MARK4: variants seen among roughly 807,000 people sequenced by gnomAD.
MARK4 encodes the protein MAP/microtubule affinity-regulating kinase 4.
Under a neutral mutation model 81.5 loss-of-function variants are expected in MARK4, and 19 were observed. The observed-to-expected ratio is 0.23, with a 90% CI of 0.16 to 0.34. The LOEUF (loss-of-function observed/expected upper bound fraction) is 0.34, where lower values mean the gene tolerates loss of function less well. Ranked by LOEUF, MARK4 falls within the 10% of genes least tolerant of loss-of-function variation. The pLI, the probability that MARK4 is intolerant of heterozygous loss-of-function variation, is 1.00. For missense variants in MARK4, 772 were observed against 1,058.8 expected, an observed-to-expected ratio of 0.73 and a Z score of 3.76; for synonymous variants, 436 against 439.0, an observed-to-expected ratio of 0.99 and a Z score of 0.08.
chr19:45,302,711 G>A lies in MARK4; in HGVS notation c.*1G>A. The A allele has an allele frequency of 6.5e-7, 1 of 1,536,156 alleles. No homozygotes were observed. The highest frequency in any genetic ancestry group is 1.2e-5 in the South Asian group (1 of 84,158). ...CATCTCCAACGACCTCGAGCTCTGA[G>A]CCACCACGGTCCCAGGGCCCTTACT... is the stretch of plus-strand genomic sequence containing the variant. On this transcript the variant is annotated 3_prime_UTR_variant, in exon 17 of 17. Coordinates refer to ENST00000262891, the MANE Select transcript of MARK4 (RefSeq NM_001199867.2). This position sits in a 1 kb window ranked among gnomAD's most constrained non-coding sequence, Gnocchi z 4.9.
intron 1 of MARK4, among the ~76,000 whole-genome samples, chr19:45,257,964 C>T (rs1970330868): frequency 1.3e-5 from 2 of 150,356 alleles, no homozygotes; most frequent in South Asian, 4.2e-4. Flanking sequence ...GCTGGAATTA[C>T]AGGTGTGAGC....
At chr19:45,255,930 A>G (rs943649456) in intron 1 of MARK4, among the ~76,000 whole-genome samples, 3 of 152,270 alleles carry the variant, frequency 2.0e-5, no homozygotes, top group Admixed American at 6.5e-5. Context: ...AGGCCAGGGC[A>G]GCTCAGAGCA....
At chr19:45,295,197 A>C (rs1970871083) in intron 14 of MARK4, among the ~76,000 whole-genome samples, 1 of 151,438 alleles carries the variant, frequency 6.6e-6, no homozygotes, top group African/African-American at 2.4e-5. Flanking sequence ...AAAATACCAA[A>C]AAAAAAAAAA....
intron 14 of MARK4, among the ~76,000 whole-genome samples, chr19:45,294,893 T>C (rs978245329): frequency 2.6e-5 from 4 of 151,924 alleles, no homozygotes; most frequent in African/African-American, 9.7e-5. Context: ...ACATCACAGG[T>C]CAAGGCCAGC....
chr19:45,251,748 G>T, intron 1 of MARK4, 109 bp downstream of exon 1: 7 of 1,050,124 alleles, frequency 6.7e-6, no homozygotes, highest in Non-Finnish European at 8.1e-6. Flanking sequence ...TCCTGGGCCC[G>T]ACCCGGCTCG....
intron 13 of MARK4, among the ~76,000 whole-genome samples, chr19:45,291,245 C>T (rs78491196): frequency 0.013 from 1,907 of 152,234 alleles, 30 homozygotes; most frequent in African/African-American, 0.044. Context: ...ACTGGAGGAG[C>T]GGACAATGGG....
chr19:45,287,582 C>A lies in MARK4; in HGVS notation c.1412C>A (p.Pro471His). The change falls in exon 13 of 17, where the codon CCC becomes CAC. Residue 471 changes from proline to histidine, a missense_variant. Coordinates refer to ENST00000262891, the MANE Select transcript of MARK4 (RefSeq NM_001199867.2). Reference protein sequence around the residue: ...TAGSGSRGLPPSSPMVSSAHN... With the variant: ...TAGSGSRGLPHSSPMVSSAHN... ...GGGAGTGGGAGTCGAGGGCTGCCCC[C>A]CTCCAGCCCCATGGTCAGCAGCGCC... 6.3e-7 allele frequency: 1 copy of A among 1,597,402 alleles called. No individual in the cohort carries two copies. The highest frequency in any genetic ancestry group is 8.5e-7 in the Non-Finnish European group (1 of 1,169,676).
At chr19:45,259,373 A>C (rs1970352193) in intron 2 of MARK4, among the ~76,000 whole-genome samples, 184 bp downstream of exon 2, 1 of 152,212 alleles carries the variant, frequency 6.6e-6, no homozygotes, top group Non-Finnish European at 1.5e-5. Flanking sequence ...GGAAAAGAGA[A>C]CTAATTTCAT....
intron 8 of MARK4, among the ~76,000 whole-genome samples, chr19:45,277,451 T>G (rs1192414744): frequency 2.0e-5 from 3 of 151,192 alleles, no homozygotes; most frequent in Admixed American, 6.6e-5. Flanking sequence ...TTTTTTTTTT[T>G]TGTAGAGACA....
chr19:45,297,756 C>A lies in MARK4; in HGVS notation c.1679C>A (p.Ala560Glu). 1 of 1,579,816 alleles carries A rather than the reference C, an allele frequency of 6.3e-7. No individual in the cohort carries two copies. The highest frequency in any genetic ancestry group is 8.6e-7 in the Non-Finnish European group (1 of 1,166,468). ...CCATCAGGGGAGCGGAGCCGCCTGGCACGTGGTTCCACCATCCGCAGCACC... is the reference window on the plus strand; with the variant it reads ...CCATCAGGGGAGCGGAGCCGCCTGGAACGTGGTTCCACCATCCGCAGCACC... Reference protein sequence around the residue: ...APPSGERSRLARGSTIRSTFH... With the variant: ...APPSGERSRLERGSTIRSTFH... The change falls in exon 15 of 17, where the codon GCA becomes GAA. Residue 560 changes from alanine (A) to glutamate (E), a missense_variant. Physicochemically the swap from Ala to Glu is moderately radical, Grantham distance 107 (BLOSUM62 -1). Transcript: ENST00000262891.
Position 45,271,618 on chromosome 19 carries a change from C to A in MARK4, c.696C>A (p.Tyr232Ter), listed in dbSNP as rs151153987. 6.2e-7 allele frequency: 1 copy of A among 1,614,240 alleles called. No individual in the cohort carries two copies. Among genetic ancestry groups the A allele is most frequent in the Non-Finnish European group, 8.5e-7 (1 of 1,180,046 alleles). ...AAPELFQGKK[Y>*]DGPEVDIWSL... ...CGGAGCTGTTTCAGGGCAAGAAGTA[C>A]GACGGGCCGGAGGTGGACATCTGGA... is the stretch of plus-strand genomic sequence containing the variant. The change falls in exon 8 of 17, where the codon TAC becomes TAA. Residue 232 changes from tyrosine (Y) to a stop codon, truncating the protein, a stop_gained. Coordinates refer to ENST00000262891, the MANE Select transcript of MARK4 (RefSeq NM_001199867.2). LOFTEE classifies it high-confidence loss of function. The surrounding 1 kb of genome is among the most constrained non-coding windows in gnomAD (Gnocchi z 4.1).
chr19:45,294,135 G>A (rs142186344), intron 13 of MARK4, among the ~76,000 whole-genome samples: 137 of 152,164 alleles, frequency 9.0e-4, no homozygotes, highest in Middle Eastern at 3.4e-3. Flanking sequence ...CCTCTTCTCC[G>A]GTCTCCAGGG....
intron 13 of MARK4, among the ~76,000 whole-genome samples, chr19:45,289,385 CAAAAAAA>C (rs35129419): frequency 1.9e-4 from 10 of 51,530 alleles, no homozygotes; most frequent in Non-Finnish European, 2.5e-4. Context: ...GACTCTGTTT[CAAAAAAA>C]AAAAAAAAAA....
chr19:45,265,119 G>A (rs1970434428), intron 6 of MARK4, among the ~76,000 whole-genome samples: 1 of 152,182 alleles, frequency 6.6e-6, no homozygotes, highest in South Asian at 2.1e-4. Flanking sequence ...CCGTTGGGTG[G>A]GTGAGAGGAT....
chr19:45,298,301 A>G, intron 15 of MARK4: 1 of 1,468,180 alleles, frequency 6.8e-7, no homozygotes, highest in Non-Finnish European at 9.5e-7. Flanking sequence ...GGGCATTGGG[A>G]GGGGGCTCTG....
At chr19:45,284,921 T>C (rs765445191) in intron 12 of MARK4, among the ~76,000 whole-genome samples, 64 of 152,078 alleles carry the variant, frequency 4.2e-4, no homozygotes, top group Non-Finnish European at 4.7e-4. Context: ...TGAAACCCTG[T>C]CTCTACTAAA....
chr19:45,300,163 G>A (rs1278656909), intron 16 of MARK4, among the ~76,000 whole-genome samples: 1 of 152,082 alleles, frequency 6.6e-6, no homozygotes, highest in African/African-American at 2.4e-5. Flanking sequence ...AGCCTAAGAT[G>A]GAGAAACCCC....
In MARK4 at chr19:45,302,658, C is replaced by T. The variant is rs1970993540; in HGVS notation, c.2207C>T (p.Ala736Val). 3 of 1,538,192 alleles carry T rather than the reference C, an allele frequency of 2.0e-6. No homozygotes were observed. The highest frequency in any genetic ancestry group is 1.2e-5 in the South Asian group (1 of 85,016). The change falls in exon 17 of 17, where the codon GCC becomes GTC. Residue 736 changes from alanine to valine, a missense_variant. Physicochemically the swap from Ala to Val is moderately conservative, Grantham distance 64. Coordinates refer to ENST00000262891, the MANE Select transcript of MARK4 (RefSeq NM_001199867.2). The surrounding 1 kb of genome is among the most constrained non-coding windows in gnomAD (Gnocchi z 4.9). ...CTCTTCCGCCGTGTGGCGGGCACCG[C>T]CCTGGCCTTCCGCACCCTCGTCACC... ...GVLFRRVAGT[A>V]LAFRTLVTRI...
intron 8 of MARK4, among the ~76,000 whole-genome samples, chr19:45,274,985 G>C (rs1970580002): frequency 6.6e-6 from 1 of 152,206 alleles, no homozygotes; most frequent in African/African-American, 2.4e-5. Flanking sequence ...TTCAGGACAG[G>C]TGTCGTGGCT....
Sources: allele counts gnomAD v4.1 joint callset (sites outside exome capture counted in the v4.1 genomes callset), GRCh38; gene constraint gnomAD v4.1.1; non-coding constraint Gnocchi (gnomAD v3.1); transcripts MANE v1.5; gene names NCBI Gene and HGNC (gene_info 2026-07-23, HGNC 2026-07-21).